Variants in RNF13 observed in about 807,000 individuals in gnomAD.
RNF13 encodes the protein ring finger protein 13.
RNF13 carries 19 observed loss-of-function variants against 37.7 expected under a neutral mutation model. The observed-to-expected ratio is 0.50, with a 90% CI of 0.35 to 0.74. The LOEUF is 0.74. Among genes scored for constraint, RNF13 ranks in the 30% least tolerant of loss-of-function variants. The pLI is 0.01. For missense variants in RNF13, 375 were observed against 453.0 expected (o/e 0.83, Z 1.56); for synonymous variants, 144 against 157.8 (o/e 0.91, Z 0.65).
intron 3 of RNF13, among the ~76,000 whole-genome samples, chr3:149,853,502 A>AGAGAGAGAGAGAGAGAG (rs1424606662): frequency 1.1e-5 from 1 of 88,034 alleles, no homozygotes; most frequent in South Asian, 3.7e-4. Flanking sequence ...GAGAGAGAGA[A>AGAGAGAGAGAGAGAGAG]TGGACTATTA....
intron 6 of RNF13, among the ~76,000 whole-genome samples, chr3:149,909,885 A>G (rs907144859): frequency 1.3e-5 from 2 of 151,860 alleles, no homozygotes; most frequent in Admixed American, 6.6e-5. Context: ...CTTGTCTCAT[A>G]GGACAGGATT....
chr3:149,816,064 A>ATTT lies in RNF13; in HGVS notation c.-17+2725_-17+2727dup, dbSNP rs36004917. Among the ~76,000 whole-genome samples, 141 of 142,272 alleles carry ATTT rather than the reference A, an allele frequency of 9.9e-4. 2 individuals carry two copies. Among genetic ancestry groups the ATTT allele is most frequent in the Non-Finnish European group, 1.3e-3 (88 of 65,536 alleles). The allele number at this position is 142,272 out of a possible 152,430, so 93.3% of individuals were successfully genotyped here. On this transcript the variant is annotated intron_variant, in intron 1 of 9. Coordinates refer to ENST00000392894, the MANE Select transcript of RNF13 (RefSeq NM_183381.3). ...TAAACCCCCATGCCTGGCTAATTAA[A>ATTT]TTTTTTTTTTTTTTTTGTAGAGACA... is the stretch of plus-strand genomic sequence containing the variant.
chr3:149,907,996 A>T (rs917307113), intron 6 of RNF13, among the ~76,000 whole-genome samples: 4 of 152,110 alleles, frequency 2.6e-5, no homozygotes, highest in Non-Finnish European at 5.9e-5. Context: ...GTTTTCCCCT[A>T]CTCTTGCCAG....
At chr3:149,935,281 G>A (rs1719562815) in intron 8 of RNF13, among the ~76,000 whole-genome samples, 1 of 152,038 alleles carries the variant, frequency 6.6e-6, no homozygotes, top group Non-Finnish European at 1.5e-5. Context: ...GGTAAAGTGA[G>A]TTTCTTATCG....
At chr3:149,885,057 T>A (rs1237568581) in intron 4 of RNF13, among the ~76,000 whole-genome samples, 1 of 152,144 alleles carries the variant, frequency 6.6e-6, no homozygotes, top group Admixed American at 6.5e-5. Context: ...AATGACAGGA[T>A]CTCATTTTTT....
chr3:149,950,715 C>T (rs1369648177), intron 8 of RNF13, among the ~76,000 whole-genome samples: 1 of 151,764 alleles, frequency 6.6e-6, no homozygotes, highest in East Asian at 1.9e-4. Context: ...GAATCAAGCA[C>T]TCCTCCCACC....
intron 1 of RNF13, among the ~76,000 whole-genome samples, chr3:149,842,991 A>G (rs1397584526): frequency 6.6e-6 from 1 of 152,216 alleles, no homozygotes; most frequent in Non-Finnish European, 1.5e-5. Context: ...AATTTTGCTA[A>G]AAACGTATTT....
At chr3:149,944,138 GACATGAACTT>G (rs1720544249) in intron 8 of RNF13, among the ~76,000 whole-genome samples, 1 of 152,136 alleles carries the variant, frequency 6.6e-6, no homozygotes, top group South Asian at 2.1e-4. Flanking sequence ...CCCTACAAAG[GACATGAACTT>G]ATCCTTTTTT....
chr3:149,896,792 T>C (rs2108493756), intron 5 of RNF13, among the ~76,000 whole-genome samples: 1 of 152,262 alleles, frequency 6.6e-6, no homozygotes, highest in Middle Eastern at 3.4e-3. Context: ...TTTGTCCTTC[T>C]TAACCCTAAT....
chr3:149,878,476 A>G (rs979854574), intron 4 of RNF13, among the ~76,000 whole-genome samples: 3 of 152,204 alleles, frequency 2.0e-5, no homozygotes, highest in African/African-American at 7.2e-5. Context: ...CAATGTTGAA[A>G]TGGAATGTAA....
At chr3:149,919,322 A>T (rs1559951089) in intron 7 of RNF13, among the ~76,000 whole-genome samples, 1 of 152,190 alleles carries the variant, frequency 6.6e-6, no homozygotes, top group Non-Finnish European at 1.5e-5. Flanking sequence ...ACCACAATCA[A>T]GATAATGAAA....
intron 4 of RNF13, among the ~76,000 whole-genome samples, chr3:149,875,947 A>T (rs1281951919): frequency 6.6e-6 from 1 of 152,310 alleles, no homozygotes; most frequent in Non-Finnish European, 1.5e-5. Flanking sequence ...AAAGGCTTGA[A>T]TTGGCATCCC....
intron 1 of RNF13, among the ~76,000 whole-genome samples, chr3:149,833,229 C>T (rs1261486175): frequency 6.8e-6 from 1 of 147,758 alleles, no homozygotes; most frequent in Non-Finnish European, 1.5e-5. Context: ...AAGAGATTCT[C>T]CTGCCTCAGC....
chr3:149,877,081 G>A (rs963175836), intron 4 of RNF13, among the ~76,000 whole-genome samples: 4 of 152,038 alleles, frequency 2.6e-5, no homozygotes, highest in South Asian at 2.1e-4. Context: ...CACCCGGCCC[G>A]TATCTTTTAT....
intron 4 of RNF13, among the ~76,000 whole-genome samples, chr3:149,890,760 T>C (rs529830779): frequency 6.6e-6 from 1 of 152,344 alleles, no homozygotes; most frequent in East Asian, 1.9e-4. Flanking sequence ...ATTTGCCCTG[T>C]TGTAGCTCTC....
intron 1 of RNF13, among the ~76,000 whole-genome samples, chr3:149,827,956 TTTTTTTTAAAGAAACAG>T (rs963911130): frequency 6.6e-6 from 1 of 152,084 alleles, no homozygotes; most frequent in African/African-American, 2.4e-5. Flanking sequence ...TATTTTTTTT[TTTTTTTTAAAGAAACAG>T]TTGTTATAAT....
At chr3:149,926,125 A>T (rs1448166703) in intron 8 of RNF13, among the ~76,000 whole-genome samples, 2 of 152,128 alleles carry the variant, frequency 1.3e-5, no homozygotes, top group Non-Finnish European at 1.5e-5. Flanking sequence ...TTCTTCAATA[A>T]TTCTTGTGTT....
chr3:149,926,276 A>G (rs766946605), intron 8 of RNF13, among the ~76,000 whole-genome samples: 13 of 151,986 alleles, frequency 8.6e-5, no homozygotes, highest in Non-Finnish European at 1.5e-4. Context: ...GAGTGGTGTG[A>G]TCTCAGCTCA....
At chr3:149,956,885 T>A (rs554013197) in intron 8 of RNF13, among the ~76,000 whole-genome samples, 1 of 152,146 alleles carries the variant, frequency 6.6e-6, no homozygotes, top group Non-Finnish European at 1.5e-5. Context: ...TTATGGGATG[T>A]TTAGCACCAT....
Sources: allele counts gnomAD v4.1 joint callset (sites outside exome capture counted in the v4.1 genomes callset), GRCh38; gene constraint gnomAD v4.1.1; transcripts MANE v1.5; gene names NCBI Gene and HGNC (gene_info 2026-07-23, HGNC 2026-07-21).